Variants in HEPH observed in about 807,000 individuals in gnomAD.
The protein encoded by HEPH is hephaestin.
A neutral mutation model predicts 80.8 loss-of-function variants in HEPH; 69 were observed. That is an observed-to-expected ratio of 0.85 (90% CI 0.70 to 1.04). HEPH has a LOEUF of 1.04. Ranked by LOEUF, HEPH falls within the 50% of genes least tolerant of loss-of-function variation. The probability of loss-of-function intolerance (pLI) is 0.00; values close to 1 mark genes in which losing one functional copy is unlikely to be tolerated. For synonymous variants in HEPH, 431 were observed against 322.8 expected (o/e 1.34, Z -3.60); for missense variants, 1,115 against 891.3 (o/e 1.25, Z -3.20).
intron 4 of HEPH, among the ~76,000 whole-genome samples, chrX:66,174,988 G>A (rs759577614): frequency 8.1e-5 from 9 of 111,500 alleles, no homozygotes; most frequent in South Asian, 7.5e-4. Context: ...TCTGTTGACT[G>A]TTCCTGTTGG....
chrX:66,242,524 A>G (rs887169196), intron 15 of HEPH, among the ~76,000 whole-genome samples: 1 of 112,164 alleles, frequency 8.9e-6, no homozygotes, highest in East Asian at 2.8e-4. Context: ...GTAGAATCTA[A>G]TTAAACTAAA....
At chrX:66,243,857 G>T (rs2090702602) in intron 15 of HEPH, among the ~76,000 whole-genome samples, 1 of 112,336 alleles carries the variant, frequency 8.9e-6, no homozygotes, top group Non-Finnish European at 1.9e-5. Context: ...TAAGCCAGGT[G>T]TGATGATAAC....
At chrX:66,263,788 G>C in intron 20 of HEPH, 100 bp downstream of exon 20, 2 of 783,071 alleles carry the variant, frequency 2.6e-6, no homozygotes, top group Admixed American at 2.4e-5. Context: ...GTGACTGAGA[G>C]TTAGAATACA....
At chrX:66,186,743 G>A (rs2087473460) in intron 4 of HEPH, among the ~76,000 whole-genome samples, 1 of 112,090 alleles carries the variant, frequency 8.9e-6, no homozygotes, top group Admixed American at 9.4e-5. Flanking sequence ...GGTGTTCTTT[G>A]TGCTTCTTGT....
At chrX:66,167,243 A>G (rs920444128) in intron 1 of HEPH, among the ~76,000 whole-genome samples, 1 of 111,995 alleles carries the variant, frequency 8.9e-6, no homozygotes, top group Non-Finnish European at 1.9e-5. Context: ...TGAGAATTAT[A>G]TAAGATGGCA....
chrX:66,263,332 G>T (rs2091426373), intron 19 of HEPH, among the ~76,000 whole-genome samples: 2 of 111,379 alleles, frequency 1.8e-5, no homozygotes, highest in South Asian at 3.8e-4. Context: ...CCTGAAGGAA[G>T]TGTGGCAAAT....
intron 1 of HEPH, among the ~76,000 whole-genome samples, chrX:66,168,684 A>G (rs946714285): frequency 8.9e-6 from 1 of 111,998 alleles, no homozygotes; most frequent in Non-Finnish European, 1.9e-5. Context: ...TTTTCTATCC[A>G]TATGTGAATC....
chrX:66,187,174 C>T lies in HEPH; in HGVS notation c.626-1185C>T, dbSNP rs187292941. The stretch of plus-strand genomic sequence containing the variant: ...TTGTTGTTGTTGTTTTTATTATTTC[C>T]TTTCACTGGGCTTCACCTTTCTCTG... On this transcript the variant is annotated intron_variant, in intron 4 of 20. Transcript: ENST00000343002. Among the ~76,000 whole-genome samples the T allele has an allele frequency of 2.3e-4, 25 of 110,769 alleles. 1 individual carries two copies. Among genetic ancestry groups the T allele is most frequent in the Admixed American group, 2.0e-3 (21 of 10,370 alleles).
Position 66,189,790 on chromosome X carries a change from A to G in HEPH, c.915A>G (p.Thr305=), listed in dbSNP as rs1325681988. ...FGMGNEIDVH[T]AFFHGQMLTT... ...TGGGCAATGAAATTGATGTCCACAC[A>G]GCATTTTTCCATGGACAGATGCTGA... Residue 305 remains threonine, a synonymous_variant, in exon 6 of 21, where the codon ACA becomes ACG. Transcript: ENST00000343002. The G allele has an allele frequency of 9.1e-6, 11 of 1,211,658 alleles. No homozygotes were observed. The highest frequency in any genetic ancestry group is 1.2e-5 in the Non-Finnish European group (11 of 895,494).
chrX:66,266,892 C>T lies in HEPH; in HGVS notation c.*220C>T, dbSNP rs778414768. On this transcript the variant is annotated 3_prime_UTR_variant, in exon 21 of 21. Coordinates refer to ENST00000343002, the MANE Select transcript of HEPH (RefSeq NM_001367233.3). Reference sequence around the variant, plus strand: ...CTTTGCTCTACGTGGGCACCTGGCACTAAGGGAGTACCTTATTATCCTACA... The same window carrying T: ...CTTTGCTCTACGTGGGCACCTGGCATTAAGGGAGTACCTTATTATCCTACA... 5 of 391,172 alleles carry T rather than the reference C, an allele frequency of 1.3e-5. No individual in the cohort carries two copies. The highest frequency in any genetic ancestry group is 2.2e-5 in the Non-Finnish European group (5 of 227,427). 32.2% of individuals were successfully genotyped at this position (391,172 alleles called of 1,213,427 possible).
intron 2 of HEPH, among the ~76,000 whole-genome samples, chrX:66,171,799 ATT>A (rs34697314): frequency 6.6e-5 from 7 of 106,797 alleles, no homozygotes; most frequent in African/African-American, 2.0e-4. Flanking sequence ...GTGTATTTGA[ATT>A]TTTTTTTTTT....
chrX:66,167,693 G>A (rs190390353), intron 1 of HEPH, among the ~76,000 whole-genome samples: 5 of 112,138 alleles, frequency 4.5e-5, no homozygotes, highest in Middle Eastern at 4.7e-3. Context: ...GTAAGTATTG[G>A]CAGCATGTGA....
chrX:66,210,892 G>GTTTT (rs1393466936), intron 15 of HEPH, among the ~76,000 whole-genome samples: 1 of 111,347 alleles, frequency 9.0e-6, no homozygotes, highest in Non-Finnish European at 1.9e-5. Context: ...GCAGGGGGCA[G>GTTTT]TTTTTTGTTT....
intron 15 of HEPH, among the ~76,000 whole-genome samples, chrX:66,215,911 G>C (rs2089367239): frequency 8.9e-6 from 1 of 112,274 alleles, no homozygotes; most frequent in South Asian, 3.7e-4. Context: ...TGGTGCAATT[G>C]AGACCAGCCT....
At chrX:66,230,157 T>C (rs2090065906) in intron 15 of HEPH, among the ~76,000 whole-genome samples, 1 of 90,017 alleles carries the variant, frequency 1.1e-5, no homozygotes, top group African/African-American at 4.3e-5. Context: ...TGCCACATTT[T>C]CTTAATCCAG....
At chrX:66,196,296 G>C (rs1165663442) in intron 9 of HEPH, among the ~76,000 whole-genome samples, 1 of 110,670 alleles carries the variant, frequency 9.0e-6, no homozygotes, top group Admixed American at 9.6e-5. Flanking sequence ...GTGTGTAGAT[G>C]TATATACACA....
At chrX:66,179,779 A>G (rs1463084946) in intron 4 of HEPH, among the ~76,000 whole-genome samples, 1 of 111,294 alleles carries the variant, frequency 9.0e-6, no homozygotes, top group Non-Finnish European at 1.9e-5. Flanking sequence ...AGGTGCATAT[A>G]TGTTTAGGAT....
At chrX:66,172,309 C>T in intron 2 of HEPH, 46 bp from the exon 3 acceptor site, 1 of 1,150,461 alleles carries the variant, frequency 8.7e-7, no homozygotes, top group Non-Finnish European at 1.2e-6. Context: ...CCTCTCAAGG[C>T]TTGAAGATGG....
In HEPH at chrX:66,266,736, C is replaced by T. The variant is rs1381003727; in HGVS notation, c.*64C>T. ...TAGTGCACTCCCAGCAGGCCATGGA[C>T]TAGTCACTAACCCCACACTCAAAGG... On this transcript the variant is annotated 3_prime_UTR_variant, in exon 21 of 21. Coordinates refer to ENST00000343002, the MANE Select transcript of HEPH (RefSeq NM_001367233.3). 1 of 761,377 alleles carries T rather than the reference C, an allele frequency of 1.3e-6. No individual in the cohort carries two copies. The highest frequency in any genetic ancestry group is 2.1e-5 in the African/African-American group (1 of 47,869). The allele number at this position is 761,377 out of a possible 1,213,427, so 62.7% of individuals were successfully genotyped here.
Sources: gnomAD v4.1 joint callset for allele counts (sites outside exome capture counted in the v4.1 genomes callset) on GRCh38, gnomAD v4.1.1 for gene constraint, MANE v1.5 for transcripts, NCBI Gene and HGNC (gene_info 2026-07-23, HGNC 2026-07-21) for gene names.